Variants in NCAM2 observed in about 807,000 individuals in gnomAD.
NCAM2 encodes neural cell adhesion molecule 2, also known as N-CAM-2.
In NCAM2, 30 loss-of-function variants were observed where a neutral mutation model predicts 98.1. The observed-to-expected ratio is 0.31, with a 90% CI of 0.23 to 0.41. The LOEUF is 0.41. NCAM2 is among the 10% of genes least tolerant of loss of function. NCAM2 has a pLI of 1.00. For missense variants in NCAM2, 867 were observed against 1,005.8 expected (o/e 0.86, Z 1.87); for synonymous variants, 368 against 342.4 (o/e 1.07, Z -0.83).
intron 14 of NCAM2, among the ~76,000 whole-genome samples, chr21:21,474,761 C>T (rs17003872): frequency 6.6e-6 from 1 of 151,874 alleles, no homozygotes; most frequent in African/African-American, 2.4e-5. Context: ...TGCCATACAC[C>T]CCTTCCTTCC....
At position 21,064,916 on chromosome 21, in the gene NCAM2, A is replaced by T. The variant is rs563092139; in HGVS notation, c.55+66298A>T. Among the ~76,000 whole-genome samples the T allele has an allele frequency of 4.6e-5, 7 of 152,254 alleles. No individual in the cohort carries two copies. The South Asian group carries it at 1.5e-3, about 32-fold the overall frequency. ...CTTCCAAGGGTGGGCGCAGTGGCTC[A>T]CACCTGTAATCCCAGCACTTTGGAA... On this transcript the variant is annotated intron_variant, in intron 1 of 17. Transcript: ENST00000400546.
At chr21:21,302,573 G>C (rs1003873255) in intron 5 of NCAM2, among the ~76,000 whole-genome samples, 7 of 152,074 alleles carry the variant, frequency 4.6e-5, no homozygotes, top group African/African-American at 1.4e-4. Context: ...ACACCACTCA[G>C]AAGGCTATTA....
chr21:21,192,712 A>C (rs937452316), intron 1 of NCAM2, among the ~76,000 whole-genome samples: 4 of 152,192 alleles, frequency 2.6e-5, no homozygotes, highest in Admixed American at 6.5e-5. Flanking sequence ...TGAAGGTAAA[A>C]AAAACAAAAC....
At chr21:21,443,455 C>G (rs916451774) in intron 12 of NCAM2, among the ~76,000 whole-genome samples, 3 of 151,788 alleles carry the variant, frequency 2.0e-5, no homozygotes, top group Non-Finnish European at 4.4e-5. Flanking sequence ...CTTCTCTTCC[C>G]TATTGTGCTT....
At chr21:21,265,151 C>CATACAT (rs2072168463) in intron 1 of NCAM2, among the ~76,000 whole-genome samples, 1 of 111,030 alleles carries the variant, frequency 9.0e-6, no homozygotes, top group South Asian at 2.7e-4. Flanking sequence ...AATATATATA[C>CATACAT]ATATATACTT....
chr21:21,214,722 CATATATATATATATATATAT>C lies in NCAM2; in HGVS notation c.56-65850_56-65831del, dbSNP rs1555829682. ...TCAGGGGGAGTAAATATATATATTC[CATATATATATATATATATAT>C]ATATACACTATATATACACATATAT... On this transcript the variant is annotated intron_variant, in intron 1 of 17. Coordinates refer to ENST00000400546, the MANE Select transcript of NCAM2 (RefSeq NM_004540.5). Among the ~76,000 whole-genome samples, 14 of 92,614 alleles carry C rather than the reference CATATATATATATATATATAT, an allele frequency of 1.5e-4. 2 individuals carry two copies. Among genetic ancestry groups the C allele is most frequent in the African/African-American group, 5.0e-4 (14 of 28,070 alleles). 60.8% of individuals were successfully genotyped at this position (92,614 alleles called of 152,430 possible).
intron 11 of NCAM2, among the ~76,000 whole-genome samples, chr21:21,428,522 G>A (rs1039454350): frequency 2.6e-5 from 4 of 152,160 alleles, no homozygotes; most frequent in East Asian, 1.9e-4. Flanking sequence ...TGCATGCCTC[G>A]TGCATTGATG....
intron 1 of NCAM2, among the ~76,000 whole-genome samples, chr21:21,074,095 C>T (rs1410676867): frequency 6.6e-6 from 1 of 152,098 alleles, no homozygotes; most frequent in Admixed American, 6.6e-5. Context: ...TATAATTACA[C>T]ATCCATAATT....
chr21:21,420,499 A>G (rs2077089729), intron 11 of NCAM2, among the ~76,000 whole-genome samples: 1 of 152,088 alleles, frequency 6.6e-6, no homozygotes, highest in African/African-American at 2.4e-5. Context: ...TTATATTTTA[A>G]CAGACTTAAA....
intron 5 of NCAM2, among the ~76,000 whole-genome samples, chr21:21,317,495 T>C (rs1439717049): frequency 1.3e-5 from 2 of 152,152 alleles, no homozygotes; most frequent in African/African-American, 4.8e-5. Context: ...ATCATGACTT[T>C]TATTATACAT....
At chr21:21,190,037 C>T (rs983447283) in intron 1 of NCAM2, among the ~76,000 whole-genome samples, 2 of 152,132 alleles carry the variant, frequency 1.3e-5, no homozygotes, top group African/African-American at 4.8e-5. Context: ...TTAATTTCTG[C>T]ATTATATCCA....
At chr21:21,373,678 G>A (rs1365298841) in intron 8 of NCAM2, among the ~76,000 whole-genome samples, 185 bp from the exon 9 acceptor site, 1 of 151,650 alleles carries the variant, frequency 6.6e-6, no homozygotes, top group Non-Finnish European at 1.5e-5. Flanking sequence ...CTATGAGAAT[G>A]TAAAAAGTGT....
intron 1 of NCAM2, among the ~76,000 whole-genome samples, chr21:21,051,588 G>T (rs1436590574): frequency 6.6e-6 from 1 of 152,184 alleles, no homozygotes; most frequent in Non-Finnish European, 1.5e-5. Flanking sequence ...GATAAAATTA[G>T]TAATAATAAG....
intron 8 of NCAM2, among the ~76,000 whole-genome samples, chr21:21,365,860 T>A (rs908076705): frequency 3.9e-5 from 6 of 152,094 alleles, no homozygotes; most frequent in African/African-American, 1.2e-4. Context: ...CCATAATCTA[T>A]CCAAAGGTTA....
intron 8 of NCAM2, among the ~76,000 whole-genome samples, chr21:21,358,964 T>A (rs1029338246): frequency 6.6e-6 from 1 of 152,018 alleles, no homozygotes; most frequent in Non-Finnish European, 1.5e-5. Flanking sequence ...GCTTTCCATA[T>A]AAATCAATTA....
chr21:21,374,023 T>C lies in NCAM2; in HGVS notation c.1195+10T>C. On this transcript the variant is annotated intron_variant, in intron 9 of 17. Transcript: ENST00000400546. Reference sequence around the variant, plus strand: ...TACCTTGATATTGAATGTAAGTTACTTTCCTTTGTATTTTCATTAAAATAA... The same window carrying C: ...TACCTTGATATTGAATGTAAGTTACCTTCCTTTGTATTTTCATTAAAATAA... The C allele has an allele frequency of 6.3e-7, 1 of 1,594,952 alleles. No individual in the cohort carries two copies. The highest frequency in any genetic ancestry group is 1.4e-5 in the African/African-American group (1 of 73,772).
chr21:21,024,391 G>GAA (rs200526081), intron 1 of NCAM2, among the ~76,000 whole-genome samples: 5 of 152,008 alleles, frequency 3.3e-5, no homozygotes, highest in African/African-American at 1.2e-4. Context: ...CCTGGGGGGG[G>GAA]AAAAAACAGA....
chr21:21,076,027 G>T (rs185212049), intron 1 of NCAM2, among the ~76,000 whole-genome samples: 161 of 151,472 alleles, frequency 1.1e-3, no homozygotes, highest in African/African-American at 3.8e-3. Flanking sequence ...TGAGGTAGGA[G>T]AATTGCTTGC....
intron 9 of NCAM2, among the ~76,000 whole-genome samples, chr21:21,394,159 T>A (rs1417952595): frequency 1.3e-5 from 2 of 152,202 alleles, no homozygotes; most frequent in Non-Finnish European, 2.9e-5. Flanking sequence ...GTGTTATGGT[T>A]AACTGGAAAT....
Sources: gnomAD v4.1 joint callset for allele counts (sites outside exome capture counted in the v4.1 genomes callset) on GRCh38, gnomAD v4.1.1 for gene constraint, MANE v1.5 for transcripts, NCBI Gene and HGNC (gene_info 2026-07-23, HGNC 2026-07-21) for gene names.